SNX6: variants seen among roughly 807,000 people sequenced by gnomAD.
SNX6 encodes the protein sorting nexin-6.
Under a neutral mutation model 63.0 loss-of-function variants are expected in SNX6, and 34 were observed. That is an observed-to-expected ratio of 0.54 (90% CI 0.41 to 0.72). The LOEUF (loss-of-function observed/expected upper bound fraction) is 0.72, where lower values mean the gene tolerates loss of function less well. Ranked by LOEUF, SNX6 falls within the 30% of genes least tolerant of loss-of-function variation. SNX6 has a pLI of 0.00. For synonymous variants in SNX6, 170 were observed against 164.2 expected, an observed-to-expected ratio of 1.04 and a Z score of -0.27; for missense variants, 398 against 471.4, an observed-to-expected ratio of 0.84 and a Z score of 1.44.
At chr14:34,585,646 A>G (rs868697550) in intron 9 of SNX6, among the ~76,000 whole-genome samples, 2 of 152,056 alleles carry the variant, frequency 1.3e-5, no homozygotes, top group African/African-American at 2.4e-5. Context: ...ACCAGGCTGG[A>G]GTGCAGCAGC....
At chr14:34,570,243 A>G (rs1881384323) in intron 11 of SNX6, among the ~76,000 whole-genome samples, 1 of 151,258 alleles carries the variant, frequency 6.6e-6, no homozygotes, top group Non-Finnish European at 1.5e-5. Flanking sequence ...CTAATTTTGT[A>G]TTTTTAGTAG....
chr14:34,567,722 T>C lies in SNX6; in HGVS notation c.1131A>G (p.Leu377=). The C allele has an allele frequency of 6.2e-7, 1 of 1,613,952 alleles. No individual in the cohort carries two copies. The highest frequency in any genetic ancestry group is 8.5e-7 in the Non-Finnish European group (1 of 1,179,870). The stretch of plus-strand genomic sequence containing the variant: ...TCAGTTCTAACTCTGCCAGTTCCAC[T>C]AAATTTTTTCTGAATGCAGCAACTC... The part of the protein sequence containing the change: ...TRRVAAFRKN[L]VELAELELKH... Residue 377 remains leucine, a synonymous_variant, in exon 13 of 14, where the codon TTA becomes TTG. Coordinates refer to ENST00000362031, the MANE Select transcript of SNX6 (RefSeq NM_152233.4).
chr14:34,607,592 A>G (rs1883071364), intron 4 of SNX6, among the ~76,000 whole-genome samples: 1 of 152,036 alleles, frequency 6.6e-6, no homozygotes, highest in African/African-American at 2.4e-5. Context: ...CCTGAGCAAC[A>G]CAAGTGAGAC....
intron 8 of SNX6, among the ~76,000 whole-genome samples, chr14:34,587,582 C>G (rs369975351): frequency 8.1e-6 from 1 of 123,462 alleles, no homozygotes; most frequent in African/African-American, 3.1e-5. Context: ...ATTTTGGAGA[C>G]AAAAATCCTG....
At chr14:34,569,576 G>A (rs949479880) in intron 11 of SNX6, among the ~76,000 whole-genome samples, 3 of 152,188 alleles carry the variant, frequency 2.0e-5, no homozygotes, top group South Asian at 2.1e-4. Context: ...ACAGGCGTGT[G>A]CCACCAAGCC....
chr14:34,628,908 T>G (rs2138401518), intron 2 of SNX6, among the ~76,000 whole-genome samples: 1 of 152,160 alleles, frequency 6.6e-6, no homozygotes, highest in Admixed American at 6.6e-5. Context: ...ACTATAAAGA[T>G]TACCACCCTT....
At chr14:34,603,246 A>T in intron 6 of SNX6, 102 bp downstream of exon 6, 2 of 1,140,970 alleles carry the variant, frequency 1.8e-6, no homozygotes, top group Non-Finnish European at 2.4e-6. Flanking sequence ...CCACTATGCC[A>T]CTGTACTCCA....
At position 34,565,713 on chromosome 14, in the gene SNX6, G is replaced by A. The variant is rs1348003120; in HGVS notation, c.1167+1973C>T. Among the ~76,000 whole-genome samples, 6 of 130,606 alleles carry A rather than the reference G, an allele frequency of 4.6e-5. No individual in the cohort carries two copies. In the East Asian group the frequency reaches 9.1e-4, roughly 20 times the overall value. The allele number at this position is 130,606 out of a possible 152,430, so 85.7% of individuals were successfully genotyped here. A position where few individuals can be genotyped will look rare whatever the true frequency, so the allele number is the denominator to read the frequency against. On this transcript the variant is annotated intron_variant, in intron 13 of 13. Coordinates refer to ENST00000362031, the MANE Select transcript of SNX6 (RefSeq NM_152233.4). ...TTTTTTTTCTTTTTTATTTTGAGACGGAGTCTCACTCTGTCTCCCAGGCTG... is the reference window on the plus strand; with the variant it reads ...TTTTTTTTCTTTTTTATTTTGAGACAGAGTCTCACTCTGTCTCCCAGGCTG...
intron 11 of SNX6, among the ~76,000 whole-genome samples, chr14:34,569,809 A>T (rs1203468194): frequency 1.3e-5 from 2 of 152,162 alleles, no homozygotes; most frequent in African/African-American, 4.8e-5. Flanking sequence ...CATTTGGTTT[A>T]TTACCACTTT....
At chr14:34,614,214 C>G (rs1183086948) in intron 2 of SNX6, among the ~76,000 whole-genome samples, 3 of 151,904 alleles carry the variant, frequency 2.0e-5, no homozygotes, top group Admixed American at 6.6e-5. Context: ...AACACTTGAG[C>G]TCAGGAGTTC....
chr14:34,578,112 G>A (rs1881784120), intron 10 of SNX6, among the ~76,000 whole-genome samples: 1 of 152,078 alleles, frequency 6.6e-6, no homozygotes, highest in African/African-American at 2.4e-5. Flanking sequence ...GCTGAGGCAT[G>A]AGACTCACTT....
intron 10 of SNX6, among the ~76,000 whole-genome samples, chr14:34,579,341 A>G (rs1035733597): frequency 1.3e-5 from 2 of 152,020 alleles, no homozygotes; most frequent in Non-Finnish European, 2.9e-5. Context: ...AAAGGAACCA[A>G]GCCAGGTGGC....
intron 2 of SNX6, among the ~76,000 whole-genome samples, chr14:34,625,092 T>C (rs1883776297): frequency 1.3e-5 from 2 of 151,944 alleles, no homozygotes; most frequent in Admixed American, 1.3e-4. Flanking sequence ...ATTTTCTGTA[T>C]TTTTAGCAGG....
chr14:34,592,268 C>T (rs1253943005), intron 8 of SNX6, among the ~76,000 whole-genome samples: 3 of 152,110 alleles, frequency 2.0e-5, no homozygotes, highest in African/African-American at 7.2e-5. Context: ...TGCCTGTAAT[C>T]CCAGCTACTT....
At chr14:34,576,085 G>A (rs1475387998) in intron 10 of SNX6, among the ~76,000 whole-genome samples, 2 of 151,470 alleles carry the variant, frequency 1.3e-5, no homozygotes, top group East Asian at 1.9e-4. Flanking sequence ...CACCACGCCC[G>A]GCTATTTTTT....
intron 11 of SNX6, chr14:34,568,681 G>C (rs932964228): frequency 3.3e-5 from 30 of 913,636 alleles, no homozygotes; most frequent in African/African-American, 5.0e-5. Flanking sequence ...AACCCAGCAT[G>C]GTTTGTTCTA....
rs539898081 is a variant in SNX6 at position 34,574,286 on chromosome 14, C to A, written c.921+1470G>T. ...GGGAGGCGGAGGTTGCAGTGAGCTG[C>A]AATCATGCCACTGCACTCCAGCTTG... On this transcript the variant is annotated intron_variant, in intron 11 of 13. Transcript: ENST00000362031. Among the ~76,000 whole-genome samples, 3 of 146,382 alleles carry A rather than the reference C, an allele frequency of 2.0e-5. No individual in the cohort carries two copies. The East Asian group carries it at 6.1e-4, about 30-fold the overall frequency.
chr14:34,588,615 A>C (rs1163038355), intron 8 of SNX6, among the ~76,000 whole-genome samples: 2 of 152,216 alleles, frequency 1.3e-5, no homozygotes, highest in African/African-American at 4.8e-5. Flanking sequence ...CTGACTAAAG[A>C]TGTATAAGAT....
intron 11 of SNX6, chr14:34,568,727 T>A (rs1881305032): frequency 1.1e-6 from 1 of 886,890 alleles, no homozygotes; most frequent in East Asian, 2.4e-5. Flanking sequence ...TGTCCAGCGA[T>A]TCTGTCCAGA....
Sources: allele counts gnomAD v4.1 joint callset (sites outside exome capture counted in the v4.1 genomes callset), GRCh38; gene constraint gnomAD v4.1.1; transcripts MANE v1.5; gene names NCBI Gene and HGNC (gene_info 2026-07-23, HGNC 2026-07-21).